The following STAMBPL1 variants were observed in gnomAD, a reference collection of about 807,000 sequenced individuals.
The protein encoded by STAMBPL1 is AMSH-like protease.
STAMBPL1 carries 44 observed loss-of-function variants against 52.9 expected under a neutral mutation model. The observed-to-expected ratio is 0.83, with a 90% CI of 0.65 to 1.07. STAMBPL1 has a LOEUF of 1.07. Ranked by LOEUF, STAMBPL1 falls within the 50% of genes least tolerant of loss-of-function variation. The pLI is 0.00. For synonymous variants in STAMBPL1, 164 were observed against 177.3 expected, an observed-to-expected ratio of 0.92 and a Z score of 0.60; for missense variants, 511 against 520.8, an observed-to-expected ratio of 0.98 and a Z score of 0.18.
chr10:88,919,592 G>C (rs181257433), intron 8 of STAMBPL1, among the ~76,000 whole-genome samples: 1 of 152,224 alleles, frequency 6.6e-6, no homozygotes, highest in East Asian at 1.9e-4. Flanking sequence ...AATTTCTCAC[G>C]AAGACATAGA....
intron 2 of STAMBPL1, among the ~76,000 whole-genome samples, chr10:88,903,372 A>G (rs1433468813): frequency 3.3e-5 from 5 of 152,224 alleles, no homozygotes; most frequent in Non-Finnish European, 4.4e-5. Context: ...TGATATACCT[A>G]TTAATCATCA....
chr10:88,910,957 A>G lies in STAMBPL1; in HGVS notation c.366A>G (p.Lys122=), dbSNP rs761346323. The change falls in exon 5 of 11, where the codon AAA becomes AAG. Residue 122 remains lysine, a synonymous_variant. Coordinates refer to ENST00000371926, the MANE Select transcript of STAMBPL1 (RefSeq NM_020799.4). ...EIAFPRTDEL[K]NDLLKKYNVE... ...CATTCCCAAGGACAGATGAATTGAA[A>G]AACGACCTTTTAAAGAAATATAACG... 1.3e-6 allele frequency: 2 copies of G among 1,599,734 alleles called. No individual in the cohort carries two copies. Among genetic ancestry groups the G allele is most frequent in the South Asian group, 2.3e-5 (2 of 86,286 alleles).
At chr10:88,905,072 G>C (rs9804254) in intron 2 of STAMBPL1, among the ~76,000 whole-genome samples, 6,820 of 152,104 alleles carry the variant, frequency 0.045, 514 homozygotes, top group African/African-American at 0.16. Context: ...ACAATGGCAG[G>C]AATTCATCTT....
chr10:88,882,552 A>C (rs1024725294), intron 1 of STAMBPL1: 1 of 152,186 alleles, frequency 6.6e-6, no homozygotes. Flanking sequence ...CTTGCCCAAA[A>C]CATGAGAAGT....
At chr10:88,907,335 A>G (rs977683921) in intron 3 of STAMBPL1, among the ~76,000 whole-genome samples, 1 of 152,202 alleles carries the variant, frequency 6.6e-6, no homozygotes, top group Non-Finnish European at 1.5e-5. Context: ...AAATTTAGAG[A>G]ATGGTTGGCA....
chr10:88,893,298 T>C (rs1049897603), intron 1 of STAMBPL1, among the ~76,000 whole-genome samples: 1 of 152,230 alleles, frequency 6.6e-6, no homozygotes, highest in African/African-American at 2.4e-5. Context: ...GAAATGCCTT[T>C]GATATAGCAC....
Position 88,923,227 on chromosome 10 carries a change from T to C in STAMBPL1, c.*3T>C, listed in dbSNP as rs753796374. ...TAATTGTGTTGGATCTGAGGTGATA[T>C]GTTCTGAATGTAAGCACCGTCAACA... On this transcript the variant is annotated 3_prime_UTR_variant, in exon 11 of 11. Transcript: ENST00000371926. 11 of 1,600,160 alleles carry C rather than the reference T, an allele frequency of 6.9e-6. No individual in the cohort carries two copies. In the Admixed American group the frequency reaches 2.0e-4, roughly 29 times the overall value.
intron 3 of STAMBPL1, 66 bp from the exon 4 acceptor site, chr10:88,908,636 T>G (rs1845137124): frequency 1.5e-6 from 2 of 1,328,082 alleles, no homozygotes. Flanking sequence ...CCTCATTCCC[T>G]TATTAGAAAG....
intron 4 of STAMBPL1, among the ~76,000 whole-genome samples, chr10:88,910,050 C>G (rs1267993581): frequency 1.3e-5 from 2 of 152,168 alleles, no homozygotes; most frequent in East Asian, 3.8e-4. Context: ...GACTCATGTA[C>G]TATAACTTAG....
At chr10:88,894,905 G>T (rs1052531330) in intron 1 of STAMBPL1, among the ~76,000 whole-genome samples, 2 of 151,954 alleles carry the variant, frequency 1.3e-5, no homozygotes, top group African/African-American at 4.8e-5. Flanking sequence ...TTTTGTCACG[G>T]GATTCATATA....
chr10:88,912,760 G>A (rs938669240), intron 5 of STAMBPL1: 5 of 202,694 alleles, frequency 2.5e-5, no homozygotes, highest in Admixed American at 1.7e-4. Flanking sequence ...AAGTGCAGTA[G>A]GGGTGAGATA....
chr10:88,914,790 T>C (rs1358288253), intron 7 of STAMBPL1, 132 bp downstream of exon 7: 1 of 319,786 alleles, frequency 3.1e-6, no homozygotes, highest in Non-Finnish European at 5.2e-6. Context: ...AAATTAACGT[T>C]ACACAGATTA....
chr10:88,899,844 T>C (rs1431221180), intron 1 of STAMBPL1, among the ~76,000 whole-genome samples: 1 of 152,228 alleles, frequency 6.6e-6, no homozygotes, highest in Non-Finnish European at 1.5e-5. Context: ...AATAAATGAC[T>C]TACTAGTGTT....
intron 1 of STAMBPL1, among the ~76,000 whole-genome samples, chr10:88,894,818 C>T (rs1220024673): frequency 6.6e-6 from 1 of 152,082 alleles, no homozygotes; most frequent in Non-Finnish European, 1.5e-5. Flanking sequence ...TATCTTAGAA[C>T]TGTTTCCTTC....
intron 1 of STAMBPL1, among the ~76,000 whole-genome samples, chr10:88,891,581 G>A (rs1384450202): frequency 6.6e-6 from 1 of 152,058 alleles, no homozygotes; most frequent in Non-Finnish European, 1.5e-5. Flanking sequence ...CAAATATCAC[G>A]ATTAACATCA....
chr10:88,892,988 A>G (rs976967538), intron 1 of STAMBPL1, among the ~76,000 whole-genome samples: 3 of 152,242 alleles, frequency 2.0e-5, no homozygotes, highest in Admixed American at 6.5e-5. Context: ...TCTTTTGGAT[A>G]GTATTTTCTT....
intron 4 of STAMBPL1, among the ~76,000 whole-genome samples, chr10:88,909,082 C>G (rs568116195): frequency 9.8e-5 from 15 of 152,326 alleles, no homozygotes; most frequent in African/African-American, 3.6e-4. Flanking sequence ...CTGCGAACTT[C>G]TTTCAGATGG....
chr10:88,919,384 G>A (rs576084766), intron 8 of STAMBPL1, among the ~76,000 whole-genome samples: 27 of 152,266 alleles, frequency 1.8e-4, no homozygotes, highest in Admixed American at 1.4e-3. Context: ...TTTCTGTAGA[G>A]TGAGGGAATG....
chr10:88,920,669 CT>C (rs34960846), intron 8 of STAMBPL1, among the ~76,000 whole-genome samples: 2,391 of 152,208 alleles, frequency 0.016, 68 homozygotes, highest in African/African-American at 0.055. Flanking sequence ...TATAATCCCC[CT>C]TTTTTTCTCC....
Sources: gnomAD v4.1 joint callset for allele counts (sites outside exome capture counted in the v4.1 genomes callset) on GRCh38, gnomAD v4.1.1 for gene constraint, MANE v1.5 for transcripts, NCBI Gene and HGNC (gene_info 2026-07-23, HGNC 2026-07-21) for gene names.